Variants in TMEM232 observed in about 807,000 individuals in gnomAD.
The protein encoded by TMEM232 is transmembrane protein 232.
A neutral mutation model predicts 78.8 loss-of-function variants in TMEM232; 80 were observed. The ratio of observed to expected loss-of-function variants is 1.01; its 90% CI spans 0.85 to 1.22. TMEM232 has a LOEUF of 1.22. Ranked by LOEUF, TMEM232 falls within the 50% of genes most tolerant of loss-of-function variation. The pLI is 0.00. For synonymous variants in TMEM232, 297 were observed against 254.3 expected (o/e 1.17, Z -1.60); for missense variants, 881 against 742.2 (o/e 1.19, Z -2.17).
chr5:110,520,447 TAA>T (rs942344809), intron 12 of TMEM232, among the ~76,000 whole-genome samples: 5 of 152,102 alleles, frequency 3.3e-5, no homozygotes, highest in Middle Eastern at 3.4e-3. Flanking sequence ...TGACAAAGAT[TAA>T]AAAAGACATA....
intron 12 of TMEM232, among the ~76,000 whole-genome samples, chr5:110,436,642 G>C (rs1055563726): frequency 2.6e-5 from 4 of 152,038 alleles, no homozygotes; most frequent in African/African-American, 9.7e-5. Flanking sequence ...CATAAGGCAA[G>C]AGATAGGGAT....
At chr5:110,525,098 A>G (rs1475867228) in intron 12 of TMEM232, among the ~76,000 whole-genome samples, 2 of 151,874 alleles carry the variant, frequency 1.3e-5, no homozygotes, top group African/African-American at 4.8e-5. Flanking sequence ...AATAAAATAC[A>G]TCTTTCTCAT....
In TMEM232 at chr5:110,733,723, C is replaced by A. The variant is rs553462147; in HGVS notation, c.-13+1180G>T. On this transcript the variant is annotated intron_variant, in intron 2 of 4. Coordinates refer to the TMEM232 transcript ENST00000512886. ...AGGAGAGAGAGGATCAGAAAAAAAA[C>A]CTATTGGGTGCTAGGCTTAGTACCT... Among the ~76,000 whole-genome samples the A allele has an allele frequency of 8.4e-4, 128 of 152,152 alleles. 1 individual carries two copies. Among genetic ancestry groups the A allele is most frequent in the African/African-American group, 3.0e-3 (125 of 41,520 alleles).
intron 3 of TMEM232, among the ~76,000 whole-genome samples, chr5:110,392,787 G>A (rs1237626135): frequency 2.0e-5 from 3 of 152,166 alleles, no homozygotes; most frequent in Non-Finnish European, 4.4e-5. Context: ...TGAACAGTCA[G>A]TCAGTAACAA....
chr5:110,524,914 C>T (rs1451910256), intron 12 of TMEM232, among the ~76,000 whole-genome samples: 1 of 151,778 alleles, frequency 6.6e-6, no homozygotes, highest in Admixed American at 6.6e-5. Flanking sequence ...TTTTGCAATA[C>T]TTTCTCACCT....
chr5:110,655,880 G>C (rs919336251), intron 2 of TMEM232, among the ~76,000 whole-genome samples: 1 of 134,000 alleles, frequency 7.5e-6, no homozygotes, highest in African/African-American at 2.8e-5. Context: ...CACAGGAAGG[G>C]GAACATCACA....
chr5:110,678,739 T>G (rs565279158), intron 1 of TMEM232, among the ~76,000 whole-genome samples: 5 of 152,116 alleles, frequency 3.3e-5, no homozygotes, highest in Non-Finnish European at 5.9e-5. Flanking sequence ...GTCTGTAGTT[T>G]TGCCTTTTCC....
At chr5:110,632,804 G>A (rs977640625) in intron 5 of TMEM232, among the ~76,000 whole-genome samples, 1 of 152,136 alleles carries the variant, frequency 6.6e-6, no homozygotes, top group Non-Finnish European at 1.5e-5. Context: ...CCCTAAAGGA[G>A]AAAAGTGAAT....
Position 110,420,775 on chromosome 5 carries a change from G to GT in TMEM232, c.1798-20dup. On this transcript the variant is annotated intron_variant, in intron 13 of 13. Coordinates refer to ENST00000455884, the MANE Select transcript of TMEM232 (RefSeq NM_001039763.4). ...CCTGCCACTGTTACAGAGAGAAAAC[G>GT]TCATTCACATGATTTTCCATGAAAA... 1 of 1,488,034 alleles carries GT rather than the reference G, an allele frequency of 6.7e-7. No individual in the cohort carries two copies. The highest frequency in any genetic ancestry group is 1.3e-5 in the South Asian group (1 of 74,132). The allele number at this position is 1,488,034 out of a possible 1,614,324, so 92.2% of individuals were successfully genotyped here.
At chr5:110,628,537 C>T (rs1784703874) in intron 5 of TMEM232, among the ~76,000 whole-genome samples, 1 of 151,818 alleles carries the variant, frequency 6.6e-6, no homozygotes, top group African/African-American at 2.4e-5. Flanking sequence ...AATGGAATGT[C>T]TGAAAAAATA....
chr5:110,698,201 C>T (rs976119418), intron 1 of TMEM232, among the ~76,000 whole-genome samples: 4 of 151,946 alleles, frequency 2.6e-5, no homozygotes, highest in African/African-American at 9.7e-5. Context: ...AAACCAAACA[C>T]CGCATGTTCT....
At chr5:110,458,883 C>A (rs1481360418) in intron 12 of TMEM232, among the ~76,000 whole-genome samples, 1 of 152,076 alleles carries the variant, frequency 6.6e-6, no homozygotes, top group Non-Finnish European at 1.5e-5. Context: ...ATTTGCTAAA[C>A]TAATTGGTGC....
At chr5:110,520,048 T>TAG (rs200426316) in intron 12 of TMEM232, among the ~76,000 whole-genome samples, 10 of 136,932 alleles carry the variant, frequency 7.3e-5, no homozygotes, top group South Asian at 2.5e-4. Flanking sequence ...TATATATATA[T>TAG]ATAGAGAGAG....
chr5:110,531,893 A>G (rs1205925342), intron 11 of TMEM232, among the ~76,000 whole-genome samples: 3 of 152,170 alleles, frequency 2.0e-5, no homozygotes, highest in East Asian at 3.9e-4. Context: ...TGCTCCCAAC[A>G]TTAAATAAAA....
intron 12 of TMEM232, among the ~76,000 whole-genome samples, chr5:110,425,887 C>A (rs1469011289): frequency 6.6e-6 from 1 of 152,060 alleles, no homozygotes; most frequent in African/African-American, 2.4e-5. Context: ...TCAAACTGTT[C>A]ATTATTTCTC....
chr5:110,419,282 A>C (rs1011629613), downstream of TMEM232, among the ~76,000 whole-genome samples: 5 of 152,102 alleles, frequency 3.3e-5, no homozygotes, highest in Non-Finnish European at 7.4e-5. Flanking sequence ...GAACACAAGC[A>C]TAAGATAAAA....
intron 12 of TMEM232, among the ~76,000 whole-genome samples, chr5:110,468,624 A>C (rs1050443862): frequency 6.6e-6 from 1 of 152,182 alleles, no homozygotes; most frequent in Non-Finnish European, 1.5e-5. Flanking sequence ...TGATTATATA[A>C]GTATAACCCC....
chr5:110,399,707 T>A (rs10491437), intron 2 of TMEM232, among the ~76,000 whole-genome samples: 1 of 152,104 alleles, frequency 6.6e-6, no homozygotes, highest in African/African-American at 2.4e-5. Context: ...TAAGCTCTTC[T>A]TGATTTCCAT....
chr5:110,507,645 C>A (rs1767073929), intron 12 of TMEM232, among the ~76,000 whole-genome samples: 1 of 152,152 alleles, frequency 6.6e-6, no homozygotes, highest in South Asian at 2.1e-4. Context: ...ACTCTCCCAG[C>A]CAGAAATAGT....
Sources: allele counts gnomAD v4.1 joint callset (sites outside exome capture counted in the v4.1 genomes callset), GRCh38; gene constraint gnomAD v4.1.1; transcripts MANE v1.5; gene names NCBI Gene and HGNC (gene_info 2026-07-23, HGNC 2026-07-21).